Variants in SPRYD3 observed in about 807,000 individuals in gnomAD.
SPRYD3 encodes the protein SPRY domain containing 3.
A neutral mutation model predicts 50.1 loss-of-function variants in SPRYD3; 17 were observed. The ratio of observed to expected loss-of-function variants is 0.34; its 90% CI spans 0.23 to 0.51. The LOEUF (loss-of-function observed/expected upper bound fraction) is 0.51, where lower values mean the gene tolerates loss of function less well. Among genes scored for constraint, SPRYD3 ranks in the 20% least tolerant of loss-of-function variants. SPRYD3 has a pLI of 0.97. For synonymous variants in SPRYD3, 198 were observed against 215.5 expected (o/e 0.92, Z 0.71); for missense variants, 401 against 591.2 (o/e 0.68, Z 3.34).
In SPRYD3 at chr12:53,074,220, T is replaced by C. The variant is rs919672187; in HGVS notation, c.507+429A>G. 6.6e-6 allele frequency among the ~76,000 whole-genome samples: 1 copy of C among 152,088 alleles called. No individual in the cohort carries two copies. Among genetic ancestry groups the C allele is most frequent in the Non-Finnish European group, 1.5e-5 (1 of 68,018 alleles). On this transcript the variant is annotated intron_variant, in intron 5 of 10. Transcript: ENST00000301463. The surrounding 1 kb of genome is among the most constrained non-coding windows in gnomAD (Gnocchi z 4.6). ...CCTAGTCTCTCTACGAACAGGATAG[T>C]GAAAGAGACGTGAAACAAGGAAAAC...
chr12:53,071,195 GGCTCCA>G (rs1944547246), intron 6 of SPRYD3, among the ~76,000 whole-genome samples: 1 of 152,334 alleles, frequency 6.6e-6, no homozygotes, highest in Admixed American at 6.5e-5. Flanking sequence ...GGCCAGCTCA[GGCTCCA>G]GCACAGCCTC....
intron 6 of SPRYD3, among the ~76,000 whole-genome samples, chr12:53,072,678 G>A (rs189139090): frequency 3.9e-5 from 6 of 152,310 alleles, no homozygotes; most frequent in East Asian, 1.9e-4. Flanking sequence ...AGCTCCACAC[G>A]CTTCCCAACG....
Position 53,073,476 on chromosome 12 carries a change from A to G in SPRYD3, c.508-5T>C. 1.3e-6 allele frequency: 2 copies of G among 1,526,344 alleles called. No individual in the cohort carries two copies. The highest frequency in any genetic ancestry group is 2.4e-5 in the South Asian group (2 of 83,126). The allele number at this position is 1,526,344 out of a possible 1,614,324, so 94.6% of individuals were successfully genotyped here. A position where few individuals can be genotyped will look rare whatever the true frequency, so the allele number is the denominator to read the frequency against. ...GGGCATGATGGTAGAGCCCACCTGC[A>G]GTGGGGGGAAAGACGGAGCTGCCAC... On this transcript the variant is annotated splice_polypyrimidine_tract_variant and splice_region_variant and intron_variant, in intron 5 of 10. Transcript: ENST00000301463.
Position 53,074,793 on chromosome 12 carries a change from A to C in SPRYD3, c.372-9T>G. On this transcript the variant is annotated splice_polypyrimidine_tract_variant and intron_variant, in intron 4 of 10. Coordinates refer to ENST00000301463, the MANE Select transcript of SPRYD3 (RefSeq NM_032840.3). This position sits in a 1 kb window ranked among gnomAD's most constrained non-coding sequence, Gnocchi z 4.6. ...CTCGGCCATTGTACAGCCTACAGAC[A>C]GAGTAGTACAGACACAGGACCCGAG... The C allele has an allele frequency of 6.2e-7, 1 of 1,614,152 alleles. No individual in the cohort carries two copies. The highest frequency in any genetic ancestry group is 8.5e-7 in the Non-Finnish European group (1 of 1,179,990).
At chr12:53,073,067 C>T in intron 6 of SPRYD3, 2 of 451,396 alleles carry the variant, frequency 4.4e-6, no homozygotes, top group Admixed American at 3.9e-5. Context: ...ACCTGAGTTC[C>T]CTGAAGAGGA....
chr12:53,066,316 C>T lies in SPRYD3; in HGVS notation c.1192G>A (p.Val398Met), dbSNP rs757308735. The change falls in exon 10 of 11, where the codon GTG becomes ATG. Residue 398 changes from valine to methionine, a missense_variant and splice_region_variant. Transcript: ENST00000301463. ...IEPEHEGRKV[V>M]VFFTRNGKII... ...CACCTCAAACTCTCCGTACTCACCA[C>T]CACCTTCCTGCCCTCATGCTCCGGC... The T allele has an allele frequency of 1.9e-6, 3 of 1,613,528 alleles. No homozygotes were observed. The South Asian group carries it at 3.3e-5, about 18-fold the overall frequency.
rs1305718385 is a variant in SPRYD3 at position 53,077,226 on chromosome 12, A to C, written c.59T>G (p.Leu20Arg). 2 of 1,614,086 alleles carry C rather than the reference A, an allele frequency of 1.2e-6. No homozygotes were observed. The highest frequency in any genetic ancestry group is 1.7e-6 in the Non-Finnish European group (2 of 1,180,028). ...VLMNKMDDLN[L>R]HYRFLNWRRR... Reference sequence around the variant, plus strand: ...GCGCCAATTCAGAAACCGGTAGTGCAGGTTGAGGTCATCCATCTTGTTCAT... The same window carrying C: ...GCGCCAATTCAGAAACCGGTAGTGCCGGTTGAGGTCATCCATCTTGTTCAT... Residue 20 changes from leucine (L) to arginine (R), a missense_variant, in exon 2 of 11, where the codon CTG (leucine) becomes CGG (arginine). Coordinates refer to ENST00000301463, the MANE Select transcript of SPRYD3 (RefSeq NM_032840.3).
At chr12:53,075,894 C>A in intron 2 of SPRYD3, 83 bp from the exon 3 acceptor site, 1 of 1,035,954 alleles carries the variant, frequency 9.7e-7, no homozygotes. Flanking sequence ...CACCCTTACC[C>A]TGCAAGGGCC....
chr12:53,074,975 T>C lies in SPRYD3; in HGVS notation c.371+120A>G. The C allele has an allele frequency of 6.9e-7, 1 of 1,453,220 alleles. No individual in the cohort carries two copies. The highest frequency in any genetic ancestry group is 9.5e-7 in the Non-Finnish European group (1 of 1,049,960). The allele number at this position is 1,453,220 out of a possible 1,614,324, so 90.0% of individuals were successfully genotyped here. On this transcript the variant is annotated intron_variant, in intron 4 of 10. Transcript: ENST00000301463. The surrounding 1 kb of genome is among the most constrained non-coding windows in gnomAD (Gnocchi z 4.6). ...CAAGGGTGCTGCCAGGCCACTTCCC[T>C]GTCCTGACCAGAAAAGTCTATGAAA... is the stretch of plus-strand genomic sequence containing the variant.
In SPRYD3 at chr12:53,073,391, C is replaced by T; in HGVS notation, c.588G>A (p.Arg196=). The part of the protein sequence containing the change: ...VGMHSLGEEV[R]LHLNAELGRE... ...GGCCCAGCTCAGCGTTGAGGTGCAG[C>T]CGCACCTCCTCACCCAGGGAGTGCA... Residue 196 remains arginine (R), a synonymous_variant, in exon 6 of 11, where the codon CGG becomes CGA. Coordinates refer to ENST00000301463, the MANE Select transcript of SPRYD3 (RefSeq NM_032840.3). 1 of 1,585,516 alleles carries T rather than the reference C, an allele frequency of 6.3e-7. No homozygotes were observed. Among genetic ancestry groups the T allele is most frequent in the Non-Finnish European group, 8.6e-7 (1 of 1,165,620 alleles).
chr12:53,066,822 G>GAA (rs1234837315), intron 8 of SPRYD3, 130 bp from the exon 9 acceptor site: 1 of 1,240,768 alleles, frequency 8.1e-7, no homozygotes, highest in Non-Finnish European at 1.1e-6. Flanking sequence ...AAACAAAGAT[G>GAA]GAGAGAGAGG....
In SPRYD3 at chr12:53,075,282, G is replaced by T. The variant is rs757208278; in HGVS notation, c.247-63C>A. 194 of 1,550,138 alleles carry T rather than the reference G, an allele frequency of 1.3e-4. 2 individuals carry two copies. The Middle Eastern group carries it at 1.8e-3, about 14-fold the overall frequency. On this transcript the variant is annotated intron_variant, in intron 3 of 10. Transcript: ENST00000301463. ...GGAAATGGGATGAATTGCTGGGGGT[G>T]GGGGAAGGGGACTTAGAGATTAAAG...
rs373732676 is a variant in SPRYD3 at position 53,068,247 on chromosome 12, G to C, written c.751C>G (p.Arg251Gly). 6.2e-7 allele frequency: 1 copy of C among 1,614,172 alleles called. No homozygotes were observed. The highest frequency in any genetic ancestry group is 8.5e-7 in the Non-Finnish European group (1 of 1,180,026). ...TGGCTGCGGGTGCTGAGTGGGTGCC[G>C]GGCCTGGGCCAGCCCCACATCCACG... is the stretch of plus-strand genomic sequence containing the variant. ...SIVDVGLAQA[R>G]HPLSTRSHYF... Residue 251 changes from arginine (R) to glycine (G), a missense_variant, in exon 7 of 11, where the codon CGG (arginine) becomes GGG (glycine). Arg to Gly is a moderately radical substitution (Grantham distance 125). Transcript: ENST00000301463.
At position 53,068,223 on chromosome 12, in the gene SPRYD3, G is replaced by A; in HGVS notation, c.775C>T (p.His259Tyr). Reference sequence around the variant, plus strand: ...TCCACGATCTCCACCTCGAAGTAGTGGCTGCGGGTGCTGAGTGGGTGCCGG... The same window carrying A: ...TCCACGATCTCCACCTCGAAGTAGTAGCTGCGGGTGCTGAGTGGGTGCCGG... ...QARHPLSTRS[H>Y]YFEVEIVDPG... Residue 259 changes from histidine to tyrosine, a missense_variant, in exon 7 of 11, where the codon CAC becomes TAC. By Grantham distance (83) the His-to-Tyr change is moderately conservative. Coordinates refer to ENST00000301463, the MANE Select transcript of SPRYD3 (RefSeq NM_032840.3). 2 of 1,614,240 alleles carry A rather than the reference G, an allele frequency of 1.2e-6. No individual in the cohort carries two copies. The highest frequency in any genetic ancestry group is 1.7e-6 in the Non-Finnish European group (2 of 1,180,042).
At chr12:53,069,279 C>T (rs908052764) in intron 6 of SPRYD3, among the ~76,000 whole-genome samples, 2 of 152,118 alleles carry the variant, frequency 1.3e-5, no homozygotes, top group Non-Finnish European at 2.9e-5. Context: ...CTTTCTTCTA[C>T]CCTCCCACCC....
At position 53,065,927 on chromosome 12, in the gene SPRYD3, C is replaced by T; in HGVS notation, c.1234G>A (p.Asp412Asn). Residue 412 changes from aspartate to asparagine, a missense_variant, in exon 11 of 11, where the codon GAT (aspartate) becomes AAT (asparagine). Asp to Asn is a conservative substitution (Grantham distance 23). Transcript: ENST00000301463. The part of the protein sequence containing the change: ...TRNGKIIGKK[D>N]AVVPSGGFFP... Reference sequence around the variant, plus strand: ...AAGCCTCCAGAAGGAACAACAGCATCCTTCTTCCCAATGATCTTGCCATTC... The same window carrying T: ...AAGCCTCCAGAAGGAACAACAGCATTCTTCTTCCCAATGATCTTGCCATTC... 1 of 1,613,972 alleles carries T rather than the reference C, an allele frequency of 6.2e-7. No individual in the cohort carries two copies. The highest frequency in any genetic ancestry group is 8.5e-7 in the Non-Finnish European group (1 of 1,179,884).
At chr12:53,078,014 A>G in intron 1 of SPRYD3, 1 of 415,326 alleles carries the variant, frequency 2.4e-6, no homozygotes, top group South Asian at 1.7e-5. Context: ...GTGAGACCTC[A>G]TCTCTACTAA....
rs578019855 is a variant in SPRYD3, at chr12:53,067,554, G to A, written c.901+94C>T. ...AGCCAGCAGCAGGGCAAACAGCAAG[G>A]CCATTTGTGAGGGGCCAGGAGAGGG... On this transcript the variant is annotated intron_variant, in intron 8 of 10. Transcript: ENST00000301463. 6.5e-6 allele frequency: 8 copies of A among 1,226,224 alleles called. No homozygotes were observed. In the Admixed American group the frequency reaches 1.4e-4, roughly 21 times the overall value. The allele number at this position is 1,226,224 out of a possible 1,614,324, so 76.0% of individuals were successfully genotyped here.
rs754065600 is a variant in SPRYD3, at chr12:53,073,441, C to A, written c.538G>T (p.Asp180Tyr). The A allele has an allele frequency of 1.3e-6, 2 of 1,564,536 alleles. No individual in the cohort carries two copies. The highest frequency in any genetic ancestry group is 1.7e-6 in the Non-Finnish European group (2 of 1,153,070). The change falls in exon 6 of 11, where the codon GAT becomes TAT. Residue 180 changes from aspartate to tyrosine, a missense_variant. Coordinates refer to ENST00000301463, the MANE Select transcript of SPRYD3 (RefSeq NM_032840.3). ...VGSTIMPMSP[D>Y]GLFPAVGMHS... ...ATGCCCACTGCTGGGAACAGTCCAT[C>A]TGGGGACATGGGCATGATGGTAGAG...
Sources: allele counts gnomAD v4.1 joint callset (sites outside exome capture counted in the v4.1 genomes callset), GRCh38; gene constraint gnomAD v4.1.1; non-coding constraint Gnocchi (gnomAD v3.1); transcripts MANE v1.5; gene names NCBI Gene and HGNC (gene_info 2026-07-23, HGNC 2026-07-21).